The following KTN1 variants were observed in gnomAD, a reference collection of about 807,000 sequenced individuals.
KTN1 encodes kinectin.
Under a neutral mutation model 222.5 loss-of-function variants are expected in KTN1, and 130 were observed. The observed-to-expected ratio is 0.58, with a 90% CI of 0.51 to 0.68. KTN1 has a LOEUF of 0.68. KTN1 is among the 30% of genes least tolerant of loss of function. KTN1 has a pLI of 0.00. For synonymous variants in KTN1, 512 were observed against 496.3 expected (o/e 1.03, Z -0.42); for missense variants, 1,508 against 1,500.4 (o/e 1.01, Z -0.08).
chr14:55,598,319 C>T (rs1250396599), intron 1 of KTN1, among the ~76,000 whole-genome samples: 1 of 151,630 alleles, frequency 6.6e-6, no homozygotes, highest in Non-Finnish European at 1.5e-5. Flanking sequence ...CCTGTAGTCC[C>T]AGCTACTCTG....
At chr14:55,659,868 AGAT>A (rs1431237965) in intron 31 of KTN1, among the ~76,000 whole-genome samples, 165 bp downstream of exon 31, 9 of 152,182 alleles carry the variant, frequency 5.9e-5, no homozygotes, top group Non-Finnish European at 1.3e-4. Context: ...CCTTTGGCTA[AGAT>A]GCTTTTTTTA....
At chr14:55,669,542 T>G (rs533704167) in intron 34 of KTN1, among the ~76,000 whole-genome samples, 64 of 151,992 alleles carry the variant, frequency 4.2e-4, no homozygotes, top group Non-Finnish European at 7.8e-4. Context: ...ATATATAAAT[T>G]TTTTTACTGT....
chr14:55,641,525 T>G (rs2041801863), intron 17 of KTN1, among the ~76,000 whole-genome samples, 167 bp from the exon 18 acceptor site: 1 of 152,122 alleles, frequency 6.6e-6, no homozygotes, highest in Non-Finnish European at 1.5e-5. Flanking sequence ...AGTGCTAGGG[T>G]GCATCTCTGT....
At chr14:55,621,606 C>T (rs1276967848) in intron 5 of KTN1, among the ~76,000 whole-genome samples, 2 of 152,064 alleles carry the variant, frequency 1.3e-5, no homozygotes, top group Admixed American at 1.3e-4. Flanking sequence ...GAGACTTATT[C>T]ACGACCAGGA....
chr14:55,646,018 C>G (rs554874046), intron 18 of KTN1, among the ~76,000 whole-genome samples: 9 of 152,172 alleles, frequency 5.9e-5, no homozygotes, highest in Admixed American at 3.3e-4. Context: ...GACCCTAAAT[C>G]TTTTTGGTCA....
chr14:55,612,052 G>T lies in KTN1; in HGVS notation c.4G>T (p.Glu2Ter). The T allele has an allele frequency of 6.9e-7, 1 of 1,440,848 alleles. No homozygotes were observed. The highest frequency in any genetic ancestry group is 1.7e-5 in the South Asian group (1 of 59,982). 89.3% of individuals were successfully genotyped at this position (1,440,848 alleles called of 1,614,324 possible). Residue 2 changes from glutamate (E) to a stop codon, truncating the protein, a stop_gained, in exon 2 of 44, where the codon GAG becomes TAG. Transcript: ENST00000395314. LOFTEE classifies it high-confidence loss of function. M[E>*]FYESAYFIVL... is the part of the protein sequence containing the mutation. ...GGATCACATTGACAAAAGTACCATG[G>T]AGTTTTATGAGTCAGCATATTTTAT...
At chr14:55,617,305 G>A (rs559070775) in intron 3 of KTN1, among the ~76,000 whole-genome samples, 2 of 152,300 alleles carry the variant, frequency 1.3e-5, no homozygotes, top group South Asian at 4.1e-4. Flanking sequence ...GGAATGAAAA[G>A]AAAAGAGATT....
chr14:55,586,981 A>G (rs1275366242), intron 1 of KTN1, among the ~76,000 whole-genome samples: 1 of 152,090 alleles, frequency 6.6e-6, no homozygotes, highest in Non-Finnish European at 1.5e-5. Flanking sequence ...TACCCTCCCT[A>G]TTCTTTGTCA....
rs1784508265 is a variant in KTN1, at chr14:55,647,576, T to C, written c.2208-449T>C. On this transcript the variant is annotated intron_variant, in intron 19 of 43. Transcript: ENST00000395314. ...TGAACCTGGGAGGCAGAGGTTGCAG[T>C]GAGCCGAAATCATGCCATTGCACTC... Among the ~76,000 whole-genome samples, 4 of 131,074 alleles carry C rather than the reference T, an allele frequency of 3.1e-5. No homozygotes were observed. The South Asian group carries it at 9.3e-4, about 31-fold the overall frequency. 86.0% of individuals were successfully genotyped at this position (131,074 alleles called of 152,430 possible).
chr14:55,623,659 C>T lies in KTN1; in HGVS notation c.964-4253C>T, dbSNP rs574745833. On this transcript the variant is annotated intron_variant, in intron 5 of 43. Coordinates refer to ENST00000395314, the MANE Select transcript of KTN1 (RefSeq NM_001079521.2). ...GTGCTAGGATTACAGGTGTGAGCCA[C>T]GGCTCCTAGCCTTGATATTGATTAA... Among the ~76,000 whole-genome samples the T allele has an allele frequency of 4.6e-5, 7 of 152,346 alleles. No homozygotes were observed. In the South Asian group the frequency reaches 6.2e-4, roughly 14 times the overall value.
At position 55,651,763 on chromosome 14, in the gene KTN1, C is replaced by A; in HGVS notation, c.2566-127C>A. ...GAGGAGGTAAACTCAAAACACATCT[C>A]ATTTTGTCATGAAAAATTCAGCTAG... On this transcript the variant is annotated intron_variant, in intron 24 of 43. Coordinates refer to ENST00000395314, the MANE Select transcript of KTN1 (RefSeq NM_001079521.2). 11 of 624,806 alleles carry A rather than the reference C, an allele frequency of 1.8e-5. No homozygotes were observed. The South Asian group carries it at 2.3e-4, about 13-fold the overall frequency. The allele number at this position is 624,806 out of a possible 1,614,324, so 38.7% of individuals were successfully genotyped here.
intron 1 of KTN1, among the ~76,000 whole-genome samples, chr14:55,602,450 G>A (rs17746106): frequency 0.1 from 15,463 of 152,036 alleles, 894 homozygotes; most frequent in African/African-American, 0.14. Flanking sequence ...ATTTAAAGTC[G>A]GCAAATTTAT....
intron 21 of KTN1, 53 bp from the exon 22 acceptor site, chr14:55,649,723 G>T: frequency 9.8e-7 from 1 of 1,022,414 alleles, no homozygotes; most frequent in South Asian, 1.4e-5. Context: ...TTCTATTTCT[G>T]ACCCATTTCT....
chr14:55,626,322 C>A (rs897071165), intron 5 of KTN1, among the ~76,000 whole-genome samples: 1 of 151,854 alleles, frequency 6.6e-6, no homozygotes, highest in Non-Finnish European at 1.5e-5. Context: ...ATGTGCTTTT[C>A]TGTTTGCTGC....
chr14:55,670,717 T>G lies in KTN1; in HGVS notation c.3268-12T>G. On this transcript the variant is annotated splice_polypyrimidine_tract_variant and intron_variant, in intron 34 of 43. Transcript: ENST00000395314. ...TTTGGAAATTAATGATTTTAACTTT[T>G]CTCGTCCACAGAGTTATGGTGAATG... is the stretch of plus-strand genomic sequence containing the variant. 6.4e-7 allele frequency: 1 copy of G among 1,566,378 alleles called. No homozygotes were observed. The highest frequency in any genetic ancestry group is 8.7e-7 in the Non-Finnish European group (1 of 1,154,042).
At chr14:55,646,602 T>A (rs1396761015) in intron 18 of KTN1, among the ~76,000 whole-genome samples, 1 of 149,446 alleles carries the variant, frequency 6.7e-6, no homozygotes, top group South Asian at 2.1e-4. Flanking sequence ...CTTTTCTTTC[T>A]TTTTTTTTGG....
chr14:55,607,056 G>T (rs1364928812), intron 1 of KTN1, among the ~76,000 whole-genome samples: 1 of 151,938 alleles, frequency 6.6e-6, no homozygotes, highest in Non-Finnish European at 1.5e-5. Flanking sequence ...TATCCTTTTT[G>T]GTTAAGCAGC....
chr14:55,659,843 T>C (rs920009230), intron 31 of KTN1, 140 bp downstream of exon 31: 125 of 567,454 alleles, frequency 2.2e-4, no homozygotes, highest in Non-Finnish European at 3.0e-4. Context: ...AATTGCAGTT[T>C]AGAGTTGAGT....
At chr14:55,632,101 T>C (rs1192092944) in intron 7 of KTN1, among the ~76,000 whole-genome samples, 3 of 152,230 alleles carry the variant, frequency 2.0e-5, no homozygotes, top group Non-Finnish European at 4.4e-5. Context: ...TTAGCATTTG[T>C]TTAACTCATT....
Sources: gnomAD v4.1 joint callset for allele counts (sites outside exome capture counted in the v4.1 genomes callset) on GRCh38, gnomAD v4.1.1 for gene constraint, MANE v1.5 for transcripts, NCBI Gene and HGNC (gene_info 2026-07-23, HGNC 2026-07-21) for gene names.